The following ADGRE2 variants were observed in gnomAD, a reference collection of about 807,000 sequenced individuals.
ADGRE2 encodes the protein CD97 antigen.
ADGRE2 carries 83 observed loss-of-function variants against 100.8 expected under a neutral mutation model. The observed-to-expected ratio is 0.82, with a 90% CI of 0.69 to 0.99. ADGRE2 has a LOEUF of 0.99. Ranked by LOEUF, ADGRE2 falls within the 50% of genes least tolerant of loss-of-function variation. ADGRE2 has a pLI of 0.00. For synonymous variants in ADGRE2, 355 were observed against 413.0 expected (o/e 0.86, Z 1.70); for missense variants, 814 against 1,035.7 (o/e 0.79, Z 2.94).
chr19:14,739,838 C>T (rs886247164), intron 20 of ADGRE2, among the ~76,000 whole-genome samples: 2 of 152,134 alleles, frequency 1.3e-5, no homozygotes, highest in African/African-American at 2.4e-5. Context: ...CAGTGGCTCA[C>T]GTCTGTAATC....
chr19:14,747,525 G>A (rs2043129849), intron 16 of ADGRE2, among the ~76,000 whole-genome samples: 1 of 151,270 alleles, frequency 6.6e-6, no homozygotes, highest in Non-Finnish European at 1.5e-5. Context: ...GCTGAATGAG[G>A]CCAGGTGCAG....
At chr19:14,771,782 AG>A (rs2147520897) in intron 5 of ADGRE2, 1 of 152,772 alleles carries the variant, frequency 6.5e-6, no homozygotes, top group South Asian at 2.1e-4. Context: ...CTGGGATTAC[AG>A]GCACCCACCA....
chr19:14,755,555 C>T lies in ADGRE2; in HGVS notation c.1416+99G>A, dbSNP rs1451153653. 5 of 1,062,066 alleles carry T rather than the reference C, an allele frequency of 4.7e-6. No individual in the cohort carries two copies. In the Admixed American group the frequency reaches 9.0e-5, roughly 19 times the overall value. 65.8% of individuals were successfully genotyped at this position (1,062,066 alleles called of 1,614,324 possible). On this transcript the variant is annotated intron_variant, in intron 13 of 20. Transcript: ENST00000315576. ...CTGACTTTCCTGGGGAGATAATGTA[C>T]CCATAACAGAGACCCCTGAGCCCCA...
intron 11 of ADGRE2, among the ~76,000 whole-genome samples, chr19:14,764,005 C>G (rs1241840565): frequency 6.7e-6 from 1 of 149,132 alleles, no homozygotes; most frequent in Non-Finnish European, 1.5e-5. Context: ...CCTCTTTATC[C>G]TCCTCCTCCT....
rs201617124 is a variant in ADGRE2 at position 14,772,449 on chromosome 19, G to A, written c.248C>T (p.Ser83Leu). 1.8e-5 allele frequency: 29 copies of A among 1,613,944 alleles called. No homozygotes were observed. Among genetic ancestry groups the A allele is most frequent in the East Asian group, 1.6e-4 (7 of 44,872 alleles). The change falls in exon 5 of 21, where the codon TCG becomes TTG. Residue 83 changes from serine (S) to leucine (L), a missense_variant. By Grantham distance (145) the Ser-to-Leu change is moderately radical. Around this residue, in one of 5 missense-constraint regions of ADGRE2, gnomAD observed 143 missense variants for 160.3 expected, o/e 0.89. Coordinates refer to ENST00000315576, the MANE Select transcript of ADGRE2 (RefSeq NM_013447.4). ...GCTCCCCTCTGTGTTCCAGCAGTCC[G>A]AGAATTTTCCGCATGACACTTTCGA... is the stretch of plus-strand genomic sequence containing the variant. ...TLSKVSCGKFSDCWNTEGSYD... is the reference protein window; with the variant it reads ...TLSKVSCGKFLDCWNTEGSYD...
At chr19:14,738,249 C>T (rs1224451362) in intron 20 of ADGRE2, among the ~76,000 whole-genome samples, 5 of 152,088 alleles carry the variant, frequency 3.3e-5, no homozygotes, top group South Asian at 2.1e-4. Context: ...GTCTTGACCT[C>T]GGAGCTCCAG....
At position 14,776,735 on chromosome 19, in the gene ADGRE2, CG is replaced by C; in HGVS notation, c.21del (p.Val8SerfsTer9). The C allele has an allele frequency of 6.2e-7, 1 of 1,613,364 alleles. No individual in the cohort carries two copies. The highest frequency in any genetic ancestry group is 1.1e-5 in the South Asian group (1 of 90,904). On this transcript the variant is annotated frameshift_variant, in exon 2 of 21. Transcript: ENST00000315576. LOFTEE classifies it high-confidence loss of function. ...GCCCCAAAGTACTTACCGAGAAAGA[CG>C]AGAAAGACGCGGCCTCCCATGGTTC... Reference protein sequence around the residue: MGGRVFLVFLAFCVWLT... With the variant: MGGRVFXVFLAFCVWLT...
rs753310801 is a variant in ADGRE2, at chr19:14,764,519, A to G, written c.998T>C (p.Leu333Pro). 1.9e-6 allele frequency: 3 copies of G among 1,613,102 alleles called. No individual in the cohort carries two copies. The highest frequency in any genetic ancestry group is 2.5e-6 in the Non-Finnish European group (3 of 1,179,966). Reference protein sequence around the residue: ...RLQQHCVASHLLDGLEDVLRG... With the variant: ...RLQQHCVASHPLDGLEDVLRG... ...GAGGACATCCTCTAGGCCATCCAGC[A>G]GGTGACTGGCCACACAGTGCTGCTG... The change falls in exon 11 of 21, where the codon CTG becomes CCG. Residue 333 changes from leucine to proline, a missense_variant. Coordinates refer to ENST00000315576, the MANE Select transcript of ADGRE2 (RefSeq NM_013447.4).
At chr19:14,757,918 C>T (rs1223146860) in intron 11 of ADGRE2, among the ~76,000 whole-genome samples, 2 of 152,188 alleles carry the variant, frequency 1.3e-5, no homozygotes, top group Non-Finnish European at 2.9e-5. Context: ...ATTCTCCTGC[C>T]TCAGCCTCCT....
At chr19:14,745,603 T>C (rs1376363782) in intron 18 of ADGRE2, among the ~76,000 whole-genome samples, 5 of 152,182 alleles carry the variant, frequency 3.3e-5, no homozygotes, top group Non-Finnish European at 1.5e-5. Flanking sequence ...CATTCTACTT[T>C]ATTTTTATTT....
In ADGRE2 at chr19:14,736,057, T is replaced by C; in HGVS notation, c.*179A>G. The C allele has an allele frequency of 1.6e-6, 1 of 627,078 alleles. No homozygotes were observed. The allele number at this position is 627,078 out of a possible 1,614,324, so 38.8% of individuals were successfully genotyped here. ...TGAGCACATTGCAGGGCATGGAAGA[T>C]TTCCGGTTTCTGCAGGAATTGAATG... On this transcript the variant is annotated 3_prime_UTR_variant, in exon 21 of 21. Coordinates refer to ENST00000315576, the MANE Select transcript of ADGRE2 (RefSeq NM_013447.4).
chr19:14,768,223 C>T (rs991723770), intron 5 of ADGRE2, among the ~76,000 whole-genome samples: 1 of 152,188 alleles, frequency 6.6e-6, no homozygotes, highest in Admixed American at 6.5e-5. Flanking sequence ...GGCCCCTGAG[C>T]CAGTCCCCAG....
intron 4 of ADGRE2, among the ~76,000 whole-genome samples, chr19:14,772,779 G>C (rs2044257653): frequency 6.6e-6 from 1 of 150,640 alleles, no homozygotes; most frequent in African/African-American, 2.4e-5. Flanking sequence ...TCTTTTTGTA[G>C]AAATTTAAAC....
At chr19:14,776,677 C>T (rs1399673779) in intron 2 of ADGRE2, 49 bp downstream of exon 2, 6 of 1,584,852 alleles carry the variant, frequency 3.8e-6, no homozygotes, top group African/African-American at 1.4e-5. Flanking sequence ...CAAGGGGTCC[C>T]GCTGGAGCTT....
At chr19:14,769,120 T>C (rs2044098646) in intron 5 of ADGRE2, among the ~76,000 whole-genome samples, 1 of 152,116 alleles carries the variant, frequency 6.6e-6, no homozygotes, top group Admixed American at 6.5e-5. Flanking sequence ...TCGGACATGG[T>C]GGCTCACGCC....
chr19:14,726,241 C>G, the ADGRE2 span, among the ~76,000 whole-genome samples: 3 of 152,192 alleles, frequency 2.0e-5, no homozygotes, highest in Admixed American at 2.0e-4. Context: ...CCAAAGGCTG[C>G]ACAGGGCAGC....
rs2042739032 is a variant in ADGRE2 at position 14,736,052 on chromosome 19, G to A, written c.*184C>T. ...TTTGATGAGCACATTGCAGGGCATG[G>A]AAGATTTCCGGTTTCTGCAGGAATT... On this transcript the variant is annotated 3_prime_UTR_variant, in exon 21 of 21. Coordinates refer to ENST00000315576, the MANE Select transcript of ADGRE2 (RefSeq NM_013447.4). The A allele has an allele frequency of 1.6e-6, 1 of 616,950 alleles. No individual in the cohort carries two copies. Among genetic ancestry groups the A allele is most frequent in the African/African-American group, 1.9e-5 (1 of 53,544 alleles). The allele number at this position is 616,950 out of a possible 1,614,324, so 38.2% of individuals were successfully genotyped here.
Position 14,736,021 on chromosome 19 carries a change from TGA to T in ADGRE2, c.*213_*214del. Reference sequence around the variant, plus strand: ...GGGCCACAGCTGGCCGTCCATATGCTGAGAGTTTGATGAGCACATTGCAGGGC... The same window carrying T: ...GGGCCACAGCTGGCCGTCCATATGCTGAGTTTGATGAGCACATTGCAGGGC... On this transcript the variant is annotated 3_prime_UTR_variant, in exon 21 of 21. Coordinates refer to ENST00000315576, the MANE Select transcript of ADGRE2 (RefSeq NM_013447.4). 1 of 515,106 alleles carries T rather than the reference TGA, an allele frequency of 1.9e-6. No homozygotes were observed. The highest frequency in any genetic ancestry group is 3.6e-6 in the Non-Finnish European group (1 of 277,316). The allele number at this position is 515,106 out of a possible 1,614,324, so 31.9% of individuals were successfully genotyped here. A position where few individuals can be genotyped will look rare whatever the true frequency, so the allele number is the denominator to read the frequency against.
At chr19:14,727,518 C>A (rs1363433996), downstream of ADGRE2, among the ~76,000 whole-genome samples, 5 of 152,254 alleles carry the variant, frequency 3.3e-5, no homozygotes, top group East Asian at 9.6e-4. Flanking sequence ...TTTTAAACAA[C>A]CTGATCTGGT....
Sources: gnomAD v4.1 joint callset for allele counts (sites outside exome capture counted in the v4.1 genomes callset) on GRCh38, gnomAD v4.1.1 for gene constraint, gnomAD v4.1.1 regional missense constraint, MANE v1.5 for transcripts, NCBI Gene and HGNC (gene_info 2026-07-23, HGNC 2026-07-21) for gene names.